MEGF6: variants seen among roughly 807,000 people sequenced by gnomAD.
MEGF6 encodes multiple EGF like domains 6.
A neutral mutation model predicts 207.1 loss-of-function variants in MEGF6; 184 were observed. The ratio of observed to expected loss-of-function variants is 0.89; its 90% confidence interval spans 0.79 to 1.00. The LOEUF (loss-of-function observed/expected upper bound fraction) is 1.00, where lower values mean the gene tolerates loss of function less well. Ranked by LOEUF, MEGF6 falls within the 50% of genes least tolerant of loss-of-function variation. The probability of loss-of-function intolerance (pLI) is 0.00; values close to 1 mark genes in which losing one functional copy is unlikely to be tolerated. For missense variants in MEGF6, 2,282 were observed against 2,202.9 expected (o/e 1.04, Z -0.72); for synonymous variants, 1,038 against 910.0 (o/e 1.14, Z -2.53).
chr1:3,529,760 C>CAGGCAGGTGGACAGGCATGGCT (rs1357550256), intron 4 of MEGF6, among the ~76,000 whole-genome samples: 9 of 152,254 alleles, frequency 5.9e-5, no homozygotes, highest in African/African-American at 2.2e-4. Flanking sequence ...CAGGACTACA[C>CAGGCAGGTGGACAGGCATGGCT]AGGCAGGTGG....
intron 36 of MEGF6, among the ~76,000 whole-genome samples, 159 bp from the exon 37 acceptor site, chr1:3,490,748 A>T (rs139518617): frequency 6.8e-6 from 1 of 147,260 alleles, no homozygotes; most frequent in Non-Finnish European, 1.5e-5. Context: ...TGTCCTTCCC[A>T]GCTCTGGCCC....
At chr1:3,535,648 G>A (rs1283106463) in intron 4 of MEGF6, among the ~76,000 whole-genome samples, 6 of 152,098 alleles carry the variant, frequency 3.9e-5, no homozygotes, top group Non-Finnish European at 8.8e-5. Context: ...TGCCCAGCTG[G>A]AACCCCAGTG....
At chr1:3,555,892 G>A (rs1643018089) in intron 4 of MEGF6, among the ~76,000 whole-genome samples, 1 of 152,232 alleles carries the variant, frequency 6.6e-6, no homozygotes, top group African/African-American at 2.4e-5. Flanking sequence ...CAAGAAGAAA[G>A]TGCCCCAAAT....
chr1:3,605,940 T>C (rs965036798), intron 1 of MEGF6, among the ~76,000 whole-genome samples: 3 of 152,188 alleles, frequency 2.0e-5, no homozygotes, highest in African/African-American at 7.2e-5. Flanking sequence ...CCGTGCTTCC[T>C]GCGCCCCTTC....
intron 3 of MEGF6, among the ~76,000 whole-genome samples, chr1:3,582,267 C>T (rs760777852): frequency 6.6e-6 from 1 of 152,186 alleles, no homozygotes; most frequent in African/African-American, 2.4e-5. Context: ...AAGATGTTCC[C>T]CGGACCCTGG....
In MEGF6 at chr1:3,543,648, G is replaced by A. The variant is rs112381444; in HGVS notation, c.482-19402C>T. 4.6e-5 allele frequency among the ~76,000 whole-genome samples: 7 copies of A among 152,194 alleles called. 1 individual carries two copies. Among genetic ancestry groups the A allele is most frequent in the Admixed American group, 2.6e-4 (4 of 15,292 alleles). ...TGCTGGGAGGCAGAGTCTGTGGCCCGGTCCCTGGCCGAGATGCCGTCTAGC... is the reference window on the plus strand; with the variant it reads ...TGCTGGGAGGCAGAGTCTGTGGCCCAGTCCCTGGCCGAGATGCCGTCTAGC... On this transcript the variant is annotated intron_variant, in intron 4 of 36. Transcript: ENST00000356575.
rs377315812 is a variant in MEGF6 at position 3,505,259 on chromosome 1, C to T, written c.2137G>A (p.Glu713Lys). ...CCAGCAGGACACCGCTTCCCACACT[C>T]GCCGCTCACGGAGTCACAGGCCACG... ...VGVACDSVSG[E>K]CGKRCPAGFQ... is the part of the protein sequence containing the mutation. The change falls in exon 17 of 37, where the codon GAG (glutamate) becomes AAG (lysine). Residue 713 changes from glutamate to lysine, a missense_variant. Coordinates refer to ENST00000356575, the MANE Select transcript of MEGF6 (RefSeq NM_001409.4). 1.2e-5 allele frequency: 20 copies of T among 1,612,408 alleles called. No individual in the cohort carries two copies. Among genetic ancestry groups the T allele is most frequent in the Middle Eastern group, 1.6e-4 (1 of 6,082 alleles).
At chr1:3,612,518 G>T (rs938796188), upstream of MEGF6, among the ~76,000 whole-genome samples, 1 of 152,292 alleles carries the variant, frequency 6.6e-6, no homozygotes, top group South Asian at 2.1e-4. Context: ...TTTGAATAGC[G>T]GAGGGAGGTG....
intron 1 of MEGF6, among the ~76,000 whole-genome samples, chr1:3,605,566 TCACATACACACACATACA>T (rs71580212): frequency 1.4e-5 from 2 of 147,384 alleles, no homozygotes; most frequent in African/African-American, 2.5e-5. Flanking sequence ...ACTCATACAC[TCACATACACACACATACA>T]CTCATACAAT....
intron 3 of MEGF6, among the ~76,000 whole-genome samples, chr1:3,590,641 C>A (rs185938719): frequency 1.2e-4 from 18 of 152,328 alleles, no homozygotes; most frequent in Non-Finnish European, 2.1e-4. Context: ...CCTCCACGGC[C>A]GGGTGTCCAG....
At chr1:3,571,930 G>A (rs1281324263) in intron 4 of MEGF6, among the ~76,000 whole-genome samples, 1 of 139,252 alleles carries the variant, frequency 7.2e-6, no homozygotes, top group Non-Finnish European at 1.5e-5. Flanking sequence ...AGGGTGTACT[G>A]GGTCCTCCTG....
chr1:3,581,415 C>A (rs969376231), intron 3 of MEGF6, among the ~76,000 whole-genome samples: 1 of 152,118 alleles, frequency 6.6e-6, no homozygotes, highest in Non-Finnish European at 1.5e-5. Context: ...TGTCCGAACG[C>A]GATAGGGTGG....
chr1:3,498,622 G>A, intron 25 of MEGF6, 76 bp downstream of exon 25: 1 of 1,489,866 alleles, frequency 6.7e-7, no homozygotes, highest in African/African-American at 1.4e-5. Context: ...CCTGACCTGG[G>A]AGCCCTCCTA....
chr1:3,503,538 G>A (rs1261130912), intron 17 of MEGF6, among the ~76,000 whole-genome samples: 1 of 152,048 alleles, frequency 6.6e-6, no homozygotes, highest in Non-Finnish European at 1.5e-5. Context: ...TCCGGGAGTG[G>A]TGGAGGTGCT....
intron 36 of MEGF6, 113 bp downstream of exon 36, chr1:3,490,799 C>T: frequency 2.2e-6 from 3 of 1,380,588 alleles, no homozygotes; most frequent in Non-Finnish European, 1.0e-6. Flanking sequence ...GGGCCCAAGG[C>T]CCCGGGTGCA....
In MEGF6 at chr1:3,492,899, C is replaced by T. The variant is rs1217956572; in HGVS notation, c.4388-132G>A. The T allele has an allele frequency of 3.8e-6, 5 of 1,318,558 alleles. No homozygotes were observed. In the East Asian group the frequency reaches 1.3e-4, roughly 34 times the overall value. 81.7% of individuals were successfully genotyped at this position (1,318,558 alleles called of 1,614,324 possible). ...CCTTCTGCCTGGGTGTGTGCGGGAGCTAAGACCTTGGGCCTCGGTTTCCCC... is the reference window on the plus strand; with the variant it reads ...CCTTCTGCCTGGGTGTGTGCGGGAGTTAAGACCTTGGGCCTCGGTTTCCCC... On this transcript the variant is annotated intron_variant, in intron 34 of 36. Coordinates refer to ENST00000356575, the MANE Select transcript of MEGF6 (RefSeq NM_001409.4).
Position 3,495,960 on chromosome 1 carries a change from C to A in MEGF6, c.3801G>T (p.Gly1267=), listed in dbSNP as rs758962363. 6.3e-7 allele frequency: 1 copy of A among 1,584,262 alleles called. No homozygotes were observed. Among genetic ancestry groups the A allele is most frequent in the South Asian group, 1.1e-5 (1 of 88,504 alleles). Residue 1267 remains glycine, a synonymous_variant, in exon 30 of 37, where the codon GGG becomes GGT. Transcript: ENST00000356575. ...NCTHVCGCGQ[G]AACDPVTGTC... is the part of the protein sequence containing the mutation. ...TGCCGGTCACAGGGTCGCAGGCCGC[C>A]CCCTGCCCACACCCACACACGTGGG...
In MEGF6 at chr1:3,489,253, G is replaced by A. The variant is rs1354371704; in HGVS notation, c.*1275C>T. Among the ~76,000 whole-genome samples the A allele has an allele frequency of 6.6e-6, 1 of 152,212 alleles. No individual in the cohort carries two copies. The highest frequency in any genetic ancestry group is 2.4e-5 in the African/African-American group (1 of 41,452). The stretch of plus-strand genomic sequence containing the variant: ...CTGTCTGTGAGCAACCAAGCTCACT[G>A]GACTCCTCCTCCTCCTGCTGGTGAA... On this transcript the variant is annotated 3_prime_UTR_variant, in exon 37 of 37. Coordinates refer to ENST00000356575, the MANE Select transcript of MEGF6 (RefSeq NM_001409.4).
chr1:3,546,847 AGG>A (rs1642727896), intron 4 of MEGF6, among the ~76,000 whole-genome samples: 1 of 123,204 alleles, frequency 8.1e-6, no homozygotes, highest in South Asian at 2.8e-4. Context: ...AGGGGGCGCC[AGG>A]GAGGCCGCCA....
Sources: allele counts gnomAD v4.1 joint callset (sites outside exome capture counted in the v4.1 genomes callset), GRCh38; gene constraint gnomAD v4.1.1; transcripts MANE v1.5; gene names NCBI Gene and HGNC (gene_info 2026-07-23, HGNC 2026-07-21).